The following EVC variants were observed in gnomAD, a reference collection of about 807,000 sequenced individuals.
EVC encodes the protein EvC ciliary complex subunit 1.
EVC carries 116 observed loss-of-function variants against 118.9 expected under a neutral mutation model. The ratio of observed to expected loss-of-function variants is 0.98; its 90% confidence interval spans 0.84 to 1.14. EVC has a LOEUF of 1.14. EVC is among the 50% of genes most tolerant of loss of function. EVC has a pLI of 0.00. For missense variants in EVC, 1,401 were observed against 1,246.4 expected (o/e 1.12, Z -1.87); for synonymous variants, 619 against 534.7 (o/e 1.16, Z -2.18).
chr4:5,753,959 C>T (rs1344252174), intron 10 of EVC, 26 bp downstream of exon 10: 19 of 1,612,108 alleles, frequency 1.2e-5, no homozygotes, highest in Non-Finnish European at 1.5e-5. Context: ...AGCCTCTGCA[C>T]ATGTGGGTGA....
the EVC span, chr4:5,825,417 T>C: frequency 5.4e-6 from 8 of 1,493,522 alleles, no homozygotes; most frequent in South Asian, 1.4e-5. The surrounding 1 kb of genome is among the most constrained non-coding windows in gnomAD (Gnocchi z 4.4). Context: ...CACGTGTCCA[T>C]TTCCTCAGAA....
chr4:5,776,854 CT>C (rs34842969), intron 11 of EVC, among the ~76,000 whole-genome samples: 22,225 of 152,150 alleles, frequency 0.15, 2,036 homozygotes, highest in South Asian at 0.29. Context: ...TGCTAGTTGG[CT>C]CTTTTTAAAC....
Position 5,749,027 on chromosome 4 carries a change from G to C in EVC, c.1098+721G>C, listed in dbSNP as rs563521479. ...TAGAGCTCCCCAATGACGATGGTGG[G>C]AGCTGGGGTTGACGCCCACTGGTGT... On this transcript the variant is annotated intron_variant, in intron 8 of 20. Transcript: ENST00000264956. This position sits in a 1 kb window ranked among gnomAD's most constrained non-coding sequence, Gnocchi z 4.4. Among the ~76,000 whole-genome samples, 59 of 152,136 alleles carry C rather than the reference G, an allele frequency of 3.9e-4. 1 individual carries two copies. The South Asian group carries it at 0.012, about 31-fold the overall frequency.
chr4:5,718,945 A>G lies in EVC; in HGVS notation c.175-303A>G, dbSNP rs371391218. On this transcript the variant is annotated intron_variant, in intron 1 of 20. Transcript: ENST00000264956. ...ATGGGGTCCCCAACCTAGAAGAAAA[A>G]TGGAACGAGCTTTGCTCTGCCTCTT... 3.4e-4 allele frequency among the ~76,000 whole-genome samples: 51 copies of G among 152,188 alleles called. 4 individuals are homozygous for G. Among genetic ancestry groups the G allele is most frequent in the Admixed American group, 1.8e-3 (27 of 15,280 alleles).
chr4:5,743,936 A>G lies in EVC; in HGVS notation c.802-1268A>G, dbSNP rs1036852431. 4.0e-5 allele frequency among the ~76,000 whole-genome samples: 6 copies of G among 151,030 alleles called. No individual in the cohort carries two copies. The highest frequency in any genetic ancestry group is 1.5e-4 in the African/African-American group (6 of 41,314). On this transcript the variant is annotated intron_variant, in intron 6 of 20. Coordinates refer to ENST00000264956, the MANE Select transcript of EVC (RefSeq NM_153717.3). The surrounding 1 kb of genome is among the most constrained non-coding windows in gnomAD (Gnocchi z 4.7). Reference sequence around the variant, plus strand: ...TAATGGTATTAGTAATAATGAAACAATACTGTCTGTTATAATAGAAAGAAT... The same window carrying G: ...TAATGGTATTAGTAATAATGAAACAGTACTGTCTGTTATAATAGAAAGAAT...
rs1712447881 is a variant in EVC, at chr4:5,789,976, T to G, written c.1777-3632T>G. Among the ~76,000 whole-genome samples the G allele has an allele frequency of 6.6e-6, 1 of 151,682 alleles. No individual in the cohort carries two copies. Among genetic ancestry groups the G allele is most frequent in the Admixed American group, 6.6e-5 (1 of 15,244 alleles). On this transcript the variant is annotated intron_variant, in intron 12 of 20. Coordinates refer to ENST00000264956, the MANE Select transcript of EVC (RefSeq NM_153717.3). The surrounding 1 kb of genome is among the most constrained non-coding windows in gnomAD (Gnocchi z 4.3). ...CAGGTAGATCACCTGAGATCAAGAG[T>G]TCGAGACCAGCCTGGCCTACATAGC...
intron 16 of EVC, among the ~76,000 whole-genome samples, chr4:5,803,804 C>T (rs1715404899): frequency 6.6e-6 from 1 of 152,222 alleles, no homozygotes; most frequent in Non-Finnish European, 1.5e-5. Flanking sequence ...GCCGTGGCCA[C>T]TGATCCTTGA....
In EVC at chr4:5,759,033, C is replaced by T. The variant is rs568928728; in HGVS notation, c.1563+2671C>T. On this transcript the variant is annotated intron_variant, in intron 11 of 20. Transcript: ENST00000264956. ...AGTCTTATGTGATTATTCATAAGGG[C>T]GTGGGAAGAAGCATTATTAGTAAGC... Among the ~76,000 whole-genome samples the T allele has an allele frequency of 1.3e-4, 19 of 149,682 alleles. No individual in the cohort carries two copies. The South Asian group carries it at 3.7e-3, about 29-fold the overall frequency.
At chr4:5,821,690 A>C in the EVC span, 1,320 of 1,453,702 alleles carry the variant, frequency 9.1e-4, 1 homozygote, top group Non-Finnish European at 1.1e-3. This position sits in a 1 kb window ranked among gnomAD's most constrained non-coding sequence, Gnocchi z 4.4. Flanking sequence ...GGGTTTCAAA[A>C]ACACTGACAG....
chr4:5,820,887 A>G, the EVC span: 6 of 151,930 alleles, frequency 3.9e-5, no homozygotes, highest in Non-Finnish European at 8.8e-5. Context: ...TTACAAAGGA[A>G]AACTTTGTAC....
chr4:5,779,796 A>C (rs1408732176), intron 11 of EVC, among the ~76,000 whole-genome samples: 4 of 140,634 alleles, frequency 2.8e-5, no homozygotes, highest in African/African-American at 1.1e-4. Context: ...AACAGGGACA[A>C]TTTGACTTCC....
rs143898721 is a variant in EVC at position 5,719,257 on chromosome 4, A to C, written c.184A>C (p.Thr62Pro). 9.3e-6 allele frequency: 15 copies of C among 1,614,046 alleles called. 1 individual carries two copies. The African/African-American group carries it at 1.5e-4, about 16-fold the overall frequency. Residue 62 changes from threonine to proline, a missense_variant, in exon 2 of 21, where the codon ACT (threonine) becomes CCT (proline). Thr to Pro is a conservative substitution (Grantham distance 38). Coordinates refer to ENST00000264956, the MANE Select transcript of EVC (RefSeq NM_153717.3). The surrounding 1 kb of genome is among the most constrained non-coding windows in gnomAD (Gnocchi z 4.7). ...RQRTRHQKDD[T>P]QNLLKNLESN... ...GACCTTCGGGTTTTAGAAAGACGAC[A>C]CTCAAAATCTGCTCAAGAATTTGGA...
the EVC span, chr4:5,828,703 T>A: frequency 1.2e-6 from 2 of 1,605,712 alleles, no homozygotes; most frequent in East Asian, 4.5e-5. Context: ...TTCCCAGGAT[T>A]TGCTCTGCCC....
At chr4:5,736,650 T>C (rs1288230600) in intron 5 of EVC, among the ~76,000 whole-genome samples, 1 of 152,216 alleles carries the variant, frequency 6.6e-6, no homozygotes, top group Non-Finnish European at 1.5e-5. Context: ...TTCAAACTTA[T>C]TCACTATTAT....
chr4:5,764,131 A>G (rs1196694088), intron 11 of EVC, among the ~76,000 whole-genome samples: 2,406 of 144,702 alleles, frequency 0.017, 58 homozygotes, highest in African/African-American at 0.057. Context: ...AATTTTGTCA[A>G]AGGCCTTTTC....
At chr4:5,764,193 C>G (rs1732502934) in intron 11 of EVC, among the ~76,000 whole-genome samples, 1 of 141,956 alleles carries the variant, frequency 7.0e-6, no homozygotes, top group African/African-American at 2.6e-5. Context: ...TGTTTATATG[C>G]TGGATTACAT....
chr4:5,825,281 A>G, the EVC span: 5 of 985,278 alleles, frequency 5.1e-6, no homozygotes, highest in Non-Finnish European at 6.0e-6. This position sits in a 1 kb window ranked among gnomAD's most constrained non-coding sequence, Gnocchi z 4.4. Context: ...AGGTACCACC[A>G]TGTTGCCCCC....
At chr4:5,781,812 A>G (rs748647488) in intron 11 of EVC, among the ~76,000 whole-genome samples, 1 of 152,216 alleles carries the variant, frequency 6.6e-6, no homozygotes, top group Admixed American at 6.5e-5. Context: ...CCTGGGCGAC[A>G]GAGGGAGATC....
intron 11 of EVC, 46 bp from the exon 12 acceptor site, chr4:5,783,506 G>T: frequency 6.3e-7 from 1 of 1,589,910 alleles, no homozygotes; most frequent in South Asian, 1.1e-5. Context: ...GCCCCACACA[G>T]GGTCCTGCCG....
Sources: gnomAD v4.1 joint callset for allele counts (sites outside exome capture counted in the v4.1 genomes callset) on GRCh38, gnomAD v4.1.1 for gene constraint, Gnocchi (gnomAD v3.1) non-coding constraint, MANE v1.5 for transcripts, NCBI Gene and HGNC (gene_info 2026-07-23, HGNC 2026-07-21) for gene names.